STK3: variants seen among roughly 807,000 people sequenced by gnomAD.
The protein encoded by STK3 is serine/threonine kinase 3.
Under a neutral mutation model 58.0 loss-of-function variants are expected in STK3, and 41 were observed. The ratio of observed to expected loss-of-function variants is 0.71; its 90% CI spans 0.55 to 0.92. The LOEUF is 0.92. Among genes scored for constraint, STK3 ranks in the 40% least tolerant of loss-of-function variants. The pLI is 0.00. For synonymous variants in STK3, 170 were observed against 191.0 expected, an observed-to-expected ratio of 0.89 and a Z score of 0.91; for missense variants, 479 against 602.7, an observed-to-expected ratio of 0.79 and a Z score of 2.15.
chr8:98,632,222 TC>T (rs1344881622), intron 6 of STK3, among the ~76,000 whole-genome samples: 1 of 152,164 alleles, frequency 6.6e-6, no homozygotes, highest in African/African-American at 2.4e-5. Context: ...AATGTAGTCT[TC>T]TAAGAAAGAT....
chr8:98,409,297 C>T (rs1273408469), intron 3 of STK3, among the ~76,000 whole-genome samples: 1 of 152,210 alleles, frequency 6.6e-6, no homozygotes, highest in Non-Finnish European at 1.5e-5. Context: ...GTCCATAAGC[C>T]TCAAAGCACC....
At chr8:98,391,270 T>C (rs752009190), upstream of STK3, 4 of 152,224 alleles carry the variant, frequency 2.6e-5, no homozygotes, top group Non-Finnish European at 5.9e-5. Context: ...GTCAATTCTG[T>C]TTTCAAATTC....
chr8:98,591,663 C>G (rs1168811453), intron 7 of STK3, among the ~76,000 whole-genome samples: 3 of 152,004 alleles, frequency 2.0e-5, no homozygotes, highest in Non-Finnish European at 4.4e-5. Context: ...TGAAATTGGA[C>G]ATACCGAGAT....
chr8:98,888,414 G>A (rs576329094), intron 1 of STK3, among the ~76,000 whole-genome samples: 10 of 152,294 alleles, frequency 6.6e-5, no homozygotes, highest in Admixed American at 2.6e-4. Flanking sequence ...CAGTGCCTCC[G>A]GTGTCTGAGG....
At chr8:98,904,505 G>T in intron 1 of STK3, 1 of 389,422 alleles carries the variant, frequency 2.6e-6, no homozygotes, top group Non-Finnish European at 5.0e-6. Context: ...TGAAGCAATG[G>T]AAACATCCTG....
chr8:98,863,121 A>G (rs148930776), intron 3 of STK3, among the ~76,000 whole-genome samples: 21 of 152,268 alleles, frequency 1.4e-4, no homozygotes, highest in African/African-American at 4.8e-4. Context: ...TTCCTTTTTT[A>G]TGGTGTGAGC....
At chr8:98,914,302 G>A (rs1463141695) in intron 1 of STK3, among the ~76,000 whole-genome samples, 1 of 152,030 alleles carries the variant, frequency 6.6e-6, no homozygotes, top group Non-Finnish European at 1.5e-5. Flanking sequence ...AAAAATAGAG[G>A]CTAAGGTGGG....
At chr8:98,560,621 A>G (rs572750504) in intron 8 of STK3, among the ~76,000 whole-genome samples, 1 of 152,300 alleles carries the variant, frequency 6.6e-6, no homozygotes, top group East Asian at 1.9e-4. Flanking sequence ...AACTTGATGT[A>G]TAGATTTCAT....
chr8:98,751,623 A>G (rs552798020), intron 3 of STK3, among the ~76,000 whole-genome samples: 1 of 152,360 alleles, frequency 6.6e-6, no homozygotes, highest in Admixed American at 6.5e-5. Flanking sequence ...AAGAAATGGG[A>G]AAACATTCCA....
intron 10 of STK3, chr8:98,462,940 G>A (rs939709550): frequency 2.0e-5 from 3 of 150,702 alleles, no homozygotes; most frequent in African/African-American, 7.3e-5. Flanking sequence ...TCTCATTTAG[G>A]TAGAAATATA....
At chr8:98,658,092 C>T (rs1453539417) in intron 6 of STK3, among the ~76,000 whole-genome samples, 1 of 151,904 alleles carries the variant, frequency 6.6e-6, no homozygotes, top group African/African-American at 2.4e-5. Flanking sequence ...CTTTATATGT[C>T]AGTATATCTC....
At chr8:98,562,229 T>C (rs764866682) in intron 8 of STK3, among the ~76,000 whole-genome samples, 3 of 152,162 alleles carry the variant, frequency 2.0e-5, no homozygotes, top group Non-Finnish European at 2.9e-5. Flanking sequence ...CAGCTTTATT[T>C]ATTGATAACT....
intron 10 of STK3, among the ~76,000 whole-genome samples, chr8:98,514,670 C>T (rs1016068000): frequency 6.6e-6 from 1 of 152,014 alleles, no homozygotes; most frequent in Non-Finnish European, 1.5e-5. Context: ...ACTGTTCCTG[C>T]CCCACTCACC....
chr8:98,780,571 T>A (rs1587602708), intron 1 of STK3, among the ~76,000 whole-genome samples: 1 of 152,154 alleles, frequency 6.6e-6, no homozygotes, highest in African/African-American at 2.4e-5. Context: ...TTGCAGTCTA[T>A]TTGATTTTTT....
chr8:98,774,434 A>G (rs1587582788), intron 2 of STK3, among the ~76,000 whole-genome samples: 1 of 152,226 alleles, frequency 6.6e-6, no homozygotes, highest in African/African-American at 2.4e-5. Context: ...TAACAAAGTC[A>G]AAACCTTCAA....
chr8:98,598,899 A>G, intron 6 of STK3: 11 of 985,462 alleles, frequency 1.1e-5, no homozygotes, highest in Non-Finnish European at 1.3e-5. Context: ...AACGCAAGAA[A>G]TCTAGGTGCT....
intron 8 of STK3, among the ~76,000 whole-genome samples, chr8:98,550,028 G>T (rs981022386): frequency 2.6e-5 from 4 of 152,070 alleles, no homozygotes; most frequent in African/African-American, 9.7e-5. Flanking sequence ...AAGGACCAAA[G>T]AATCTGCTAT....
chr8:98,371,561 G>A (rs1321721105), exon 3 of STK3: 3 of 152,256 alleles, frequency 2.0e-5, no homozygotes, highest in Non-Finnish European at 4.4e-5. Context: ...CCAGCAGCAG[G>A]AATGTCACTC....
chr8:98,707,101 T>C, intron 5 of STK3, 46 bp downstream of exon 5: 1 of 1,550,674 alleles, frequency 6.4e-7, no homozygotes, highest in Non-Finnish European at 8.6e-7. Context: ...TAATCAAATC[T>C]GAACAAATTA....
Sources: gnomAD v4.1 joint callset for allele counts (sites outside exome capture counted in the v4.1 genomes callset) on GRCh38, gnomAD v4.1.1 for gene constraint, MANE v1.5 for transcripts, NCBI Gene and HGNC (gene_info 2026-07-23, HGNC 2026-07-21) for gene names.